AQP9: variants seen among roughly 807,000 people sequenced by gnomAD.
The protein encoded by AQP9 is aquaporin 9.
AQP9 carries 19 observed loss-of-function variants against 23.8 expected under a neutral mutation model. The ratio of observed to expected loss-of-function variants is 0.80; its 90% CI spans 0.56 to 1.17. The LOEUF is 1.17. Among genes scored for constraint, AQP9 ranks in the 50% most tolerant of loss-of-function variants. AQP9 has a pLI of 0.00. For synonymous variants in AQP9, 153 were observed against 131.5 expected (o/e 1.16, Z -1.12); for missense variants, 413 against 362.0 (o/e 1.14, Z -1.14).
intron 1 of AQP9, chr15:58,146,657 T>G (rs903277864): frequency 6.6e-6 from 1 of 152,196 alleles, no homozygotes. Flanking sequence ...TATAAATTCT[T>G]CAGGGAGATT....
At chr15:58,156,746 A>T (rs61999953) in intron 1 of AQP9, among the ~76,000 whole-genome samples, 25,020 of 152,118 alleles carry the variant, frequency 0.16, 2,538 homozygotes, top group Non-Finnish European at 0.23. Context: ...GTTGCATGGA[A>T]CTGGCCAGGG....
intron 1 of AQP9, among the ~76,000 whole-genome samples, chr15:58,164,550 G>A (rs908156144): frequency 1.3e-5 from 2 of 152,196 alleles, no homozygotes; most frequent in African/African-American, 4.8e-5. Context: ...AAAAAATAAT[G>A]TCAAGTCTAG....
At chr15:58,174,883 G>A (rs758521688) in intron 3 of AQP9, 35 bp from the exon 4 acceptor site, 2 of 1,578,398 alleles carry the variant, frequency 1.3e-6, no homozygotes, top group East Asian at 2.2e-5. Context: ...CTCTTCCCAG[G>A]GAACACTAAT....
intron 1 of AQP9, among the ~76,000 whole-genome samples, chr15:58,139,166 T>G (rs1452447125): frequency 6.6e-6 from 1 of 152,208 alleles, no homozygotes; most frequent in African/African-American, 2.4e-5. Context: ...GTCAGATCAC[T>G]TGATTTTTAA....
chr15:58,160,248 G>A (rs2140608527), intron 1 of AQP9, among the ~76,000 whole-genome samples: 1 of 113,746 alleles, frequency 8.8e-6, no homozygotes, highest in East Asian at 2.5e-4. Context: ...AGTTAATGAT[G>A]CTTGAGCATT....
chr15:58,149,670 A>G (rs375830891), intron 1 of AQP9, among the ~76,000 whole-genome samples: 3 of 152,226 alleles, frequency 2.0e-5, no homozygotes, highest in African/African-American at 7.2e-5. Context: ...AGGAGGGAAT[A>G]AACAGGTGGA....
At chr15:58,170,508 G>A (rs1898596547) in intron 2 of AQP9, among the ~76,000 whole-genome samples, 2 of 151,316 alleles carry the variant, frequency 1.3e-5, no homozygotes, top group South Asian at 2.1e-4. Context: ...AGGTTCAAGC[G>A]ATTCTCCTGC....
rs779708932 is a variant in AQP9 at position 58,173,173 on chromosome 15, T to TG, written c.349dup (p.Ala117GlyfsTer10). 1 of 1,614,006 alleles carries TG rather than the reference T, an allele frequency of 6.2e-7. No individual in the cohort carries two copies. The highest frequency in any genetic ancestry group is 1.1e-5 in the South Asian group (1 of 91,086). On this transcript the variant is annotated frameshift_variant, in exon 3 of 6. Coordinates refer to ENST00000219919, the MANE Select transcript of AQP9 (RefSeq NM_020980.5). LOFTEE classifies it high-confidence loss of function. The stretch of plus-strand genomic sequence containing the variant: ...GGAGCCCAGTTCTTGGGAGCCTTTG[T>TG]GGGGGCTGCAACCGTCTTTGGCATT...
At chr15:58,144,658 G>T (rs1452156169) in intron 1 of AQP9, among the ~76,000 whole-genome samples, 1 of 152,022 alleles carries the variant, frequency 6.6e-6, no homozygotes, top group East Asian at 1.9e-4. Flanking sequence ...ATTTCTTGAA[G>T]ATTACTCAGC....
intron 1 of AQP9, among the ~76,000 whole-genome samples, chr15:58,149,911 T>C (rs1898116256): frequency 1.3e-5 from 2 of 152,248 alleles, no homozygotes; most frequent in South Asian, 2.1e-4. Context: ...GTTTTGCCTA[T>C]AGGCAGTCCT....
chr15:58,180,511 T>C (rs1277354274), intron 5 of AQP9, among the ~76,000 whole-genome samples: 1 of 152,132 alleles, frequency 6.6e-6, no homozygotes, highest in Non-Finnish European at 1.5e-5. Flanking sequence ...GTGTAGCTCA[T>C]AGAAAGGCTC....
chr15:58,155,622 A>G (rs1180805719), intron 1 of AQP9: 1 of 151,992 alleles, frequency 6.6e-6, no homozygotes, highest in African/African-American at 2.4e-5. Flanking sequence ...ATCACTTTCC[A>G]CGCTTACTAC....
intron 5 of AQP9, among the ~76,000 whole-genome samples, chr15:58,180,785 A>G (rs1443810595): frequency 6.6e-6 from 1 of 152,206 alleles, no homozygotes. Flanking sequence ...GCATCCTACA[A>G]TGCACACGGC....
intron 1 of AQP9, among the ~76,000 whole-genome samples, chr15:58,159,827 T>C (rs936897974): frequency 1.4e-4 from 21 of 152,186 alleles, no homozygotes; most frequent in African/African-American, 4.8e-4. Context: ...TTGCTACAAA[T>C]GACAGGATTT....
At position 58,179,320 on chromosome 15, in the gene AQP9, G is replaced by A; in HGVS notation, c.688G>A (p.Ala230Thr). 12 of 1,613,580 alleles carry A rather than the reference G, an allele frequency of 7.4e-6. No homozygotes were observed. Among genetic ancestry groups the A allele is most frequent in the South Asian group, 2.2e-5 (2 of 90,992 alleles). ...GAGTCCCAGACTTTTCACTGCCTTG[G>A]CAGGCTGGGGGTTTGAAGTCTTCAG... The part of the protein sequence containing the change: ...DLSPRLFTAL[A>T]GWGFEVFRAG... Residue 230 changes from alanine to threonine, a missense_variant, in exon 5 of 6, where the codon GCA becomes ACA. Physicochemically the swap from Ala to Thr is moderately conservative, Grantham distance 58. Coordinates refer to ENST00000219919, the MANE Select transcript of AQP9 (RefSeq NM_020980.5).
Position 58,138,405 on chromosome 15 carries a change from G to C in AQP9, c.-161G>C. On this transcript the variant is annotated 5_prime_UTR_variant, in exon 1 of 6. Coordinates refer to ENST00000219919, the MANE Select transcript of AQP9 (RefSeq NM_020980.5). ...TCCACCAGAAGACGATTAAGCCACA[G>C]CCTCTAATTGGAACGGCATTTGTAC... The C allele has an allele frequency of 1.8e-6, 1 of 566,836 alleles. No individual in the cohort carries two copies. 35.1% of individuals were successfully genotyped at this position (566,836 alleles called of 1,614,324 possible).
chr15:58,160,646 T>A (rs17821074), intron 1 of AQP9, among the ~76,000 whole-genome samples: 72,553 of 150,890 alleles, frequency 0.48, 18,356 homozygotes, highest in Admixed American at 0.62. Context: ...TGAAAAAAAA[T>A]GTACTTCCCT....
intron 1 of AQP9, among the ~76,000 whole-genome samples, chr15:58,165,400 A>T (rs1273790572): frequency 2.6e-5 from 4 of 152,336 alleles, no homozygotes; most frequent in African/African-American, 4.8e-5. Flanking sequence ...TGGGTTTTAA[A>T]AAAGAGAGGA....
chr15:58,173,870 T>C (rs1229041036), intron 3 of AQP9, among the ~76,000 whole-genome samples: 3 of 152,206 alleles, frequency 2.0e-5, no homozygotes, highest in Admixed American at 2.0e-4. Flanking sequence ...GGTGTTCCCA[T>C]GAAATCAACT....
Sources: gnomAD v4.1 joint callset for allele counts (sites outside exome capture counted in the v4.1 genomes callset) on GRCh38, gnomAD v4.1.1 for gene constraint, MANE v1.5 for transcripts, NCBI Gene and HGNC (gene_info 2026-07-23, HGNC 2026-07-21) for gene names.